SPOCK1: variants seen among roughly 807,000 people sequenced by gnomAD.
The protein encoded by SPOCK1 is testican-1.
Under a neutral mutation model 55.3 loss-of-function variants are expected in SPOCK1, and 23 were observed. The observed-to-expected ratio is 0.42, with a 90% confidence interval of 0.30 to 0.59. The LOEUF (loss-of-function observed/expected upper bound fraction) is 0.59. SPOCK1 is among the 20% of genes least tolerant of loss of function. The pLI, the probability that SPOCK1 is intolerant of heterozygous loss-of-function variation, is 0.22. For synonymous variants in SPOCK1, 226 were observed against 221.0 expected (o/e 1.02, Z -0.20); for missense variants, 499 against 552.5 (o/e 0.90, Z 0.97).
intron 4 of SPOCK1, among the ~76,000 whole-genome samples, chr5:137,132,450 A>G (rs971769189): frequency 4.6e-5 from 7 of 152,176 alleles, no homozygotes; most frequent in African/African-American, 1.7e-4. Context: ...GAAATATACC[A>G]ATATGTACAT....
At chr5:137,062,962 C>T (rs2348184) in intron 6 of SPOCK1, among the ~76,000 whole-genome samples, 65,021 of 151,830 alleles carry the variant, frequency 0.43, 16,719 homozygotes, top group Non-Finnish European at 0.57. Context: ...GGGCCGGGCG[C>T]GGTGGCTCAC....
At chr5:137,134,686 A>G (rs532891945) in intron 4 of SPOCK1, among the ~76,000 whole-genome samples, 1 of 152,368 alleles carries the variant, frequency 6.6e-6, no homozygotes, top group South Asian at 2.1e-4. Flanking sequence ...CTGCATGGCC[A>G]CGTGTCTTCC....
At chr5:137,395,897 G>C (rs1256647517) in intron 2 of SPOCK1, among the ~76,000 whole-genome samples, 1 of 152,166 alleles carries the variant, frequency 6.6e-6, no homozygotes, top group Non-Finnish European at 1.5e-5. Context: ...CATTCACTTA[G>C]TTTCCTCCCA....
intron 6 of SPOCK1, among the ~76,000 whole-genome samples, chr5:137,041,238 A>G (rs925624123): frequency 6.6e-6 from 1 of 152,232 alleles, no homozygotes; most frequent in Non-Finnish European, 1.5e-5. Flanking sequence ...AAGGATAGTC[A>G]TTTCAATAAA....
chr5:137,181,377 T>C (rs555351259), intron 3 of SPOCK1, among the ~76,000 whole-genome samples: 1 of 152,318 alleles, frequency 6.6e-6, no homozygotes, highest in Non-Finnish European at 1.5e-5. Flanking sequence ...AGGTATCTGC[T>C]TTAGGGTCCT....
chr5:137,353,397 A>G (rs902460455), intron 2 of SPOCK1, among the ~76,000 whole-genome samples: 2 of 152,064 alleles, frequency 1.3e-5, no homozygotes, highest in African/African-American at 4.8e-5. Context: ...TCAATCAATA[A>G]ATAAAAATAT....
intron 2 of SPOCK1, among the ~76,000 whole-genome samples, chr5:137,333,876 T>A (rs1193735544): frequency 6.6e-6 from 1 of 152,188 alleles, no homozygotes; most frequent in African/African-American, 2.4e-5. Context: ...GAGATGAATC[T>A]CAATGACCTC....
intron 2 of SPOCK1, among the ~76,000 whole-genome samples, chr5:137,447,867 T>C (rs1753162735): frequency 6.6e-6 from 1 of 152,188 alleles, no homozygotes; most frequent in Non-Finnish European, 1.5e-5. Flanking sequence ...TCCGGCTATA[T>C]TCAAAAGCCC....
At chr5:137,199,253 C>T (rs2127074955) in intron 3 of SPOCK1, among the ~76,000 whole-genome samples, 1 of 152,274 alleles carries the variant, frequency 6.6e-6, no homozygotes, top group East Asian at 1.9e-4. Flanking sequence ...ACAATGAACC[C>T]TGTGTTCAGA....
At chr5:137,122,376 C>G (rs1415545363) in intron 4 of SPOCK1, among the ~76,000 whole-genome samples, 3 of 152,172 alleles carry the variant, frequency 2.0e-5, no homozygotes, top group Non-Finnish European at 2.9e-5. Flanking sequence ...TGTAAACGAA[C>G]AGTTGAGCTT....
chr5:137,404,308 G>A (rs572981094), intron 2 of SPOCK1, among the ~76,000 whole-genome samples: 6 of 152,316 alleles, frequency 3.9e-5, no homozygotes, highest in East Asian at 3.9e-4. Context: ...GCTCAAGTCT[G>A]AGGATTTTCC....
At chr5:137,317,305 C>G (rs942476968) in intron 2 of SPOCK1, among the ~76,000 whole-genome samples, 1 of 152,198 alleles carries the variant, frequency 6.6e-6, no homozygotes, top group Non-Finnish European at 1.5e-5. Flanking sequence ...TTGCTGGAAG[C>G]CTTTTCTTCC....
At chr5:137,074,886 G>A (rs1180035448) in intron 5 of SPOCK1, among the ~76,000 whole-genome samples, 6 of 152,136 alleles carry the variant, frequency 3.9e-5, no homozygotes, top group Non-Finnish European at 8.8e-5. Flanking sequence ...TGTATTTTTA[G>A]TAGAGACGGG....
chr5:137,107,637 C>T (rs1253804710), intron 5 of SPOCK1, among the ~76,000 whole-genome samples: 3 of 152,102 alleles, frequency 2.0e-5, no homozygotes, highest in African/African-American at 7.2e-5. Flanking sequence ...AGTGGTGTCC[C>T]TGGTATCAGG....
chr5:136,982,800 C>T (rs747967185), intron 9 of SPOCK1, among the ~76,000 whole-genome samples: 1 of 152,052 alleles, frequency 6.6e-6, no homozygotes, highest in Non-Finnish European at 1.5e-5. Context: ...TAGAATAAAT[C>T]CTTTAGTGAT....
chr5:137,369,946 G>A (rs1043018844), intron 2 of SPOCK1, among the ~76,000 whole-genome samples: 1 of 152,114 alleles, frequency 6.6e-6, no homozygotes, highest in Non-Finnish European at 1.5e-5. Flanking sequence ...AAGGAACTTC[G>A]GAGGAACACA....
intron 3 of SPOCK1, among the ~76,000 whole-genome samples, chr5:137,154,995 T>C (rs528207210): frequency 2.6e-5 from 4 of 152,320 alleles, no homozygotes; most frequent in African/African-American, 7.2e-5. Flanking sequence ...CTGTGTGACC[T>C]TGGGCAAGTT....
intron 3 of SPOCK1, among the ~76,000 whole-genome samples, chr5:137,154,433 C>A (rs980538435): frequency 6.6e-6 from 1 of 152,166 alleles, no homozygotes; most frequent in Non-Finnish European, 1.5e-5. Context: ...AGGAACAGTG[C>A]AATCCCAGGA....
At chr5:137,417,083 T>TTA (rs1302434891) in intron 2 of SPOCK1, among the ~76,000 whole-genome samples, 5 of 152,140 alleles carry the variant, frequency 3.3e-5, no homozygotes, top group Non-Finnish European at 5.9e-5. Context: ...ACATGAATGT[T>TTA]TATATGCACA....
Sources: allele counts gnomAD v4.1 joint callset (sites outside exome capture counted in the v4.1 genomes callset), GRCh38; gene constraint gnomAD v4.1.1; transcripts MANE v1.5; gene names NCBI Gene and HGNC (gene_info 2026-07-23, HGNC 2026-07-21).